The following SLCO6A1 variants were observed in gnomAD, a reference collection of about 807,000 sequenced individuals.
SLCO6A1 encodes cancer/testis antigen 48.
In SLCO6A1, 65 loss-of-function variants were observed where a neutral mutation model predicts 72.7. That is an observed-to-expected ratio of 0.89 (90% CI 0.73 to 1.10). SLCO6A1 has a LOEUF of 1.10. SLCO6A1 is among the 50% of genes least tolerant of loss of function. The pLI, the probability that SLCO6A1 is intolerant of heterozygous loss-of-function variation, is 0.00. For synonymous variants in SLCO6A1, 314 were observed against 298.2 expected, an observed-to-expected ratio of 1.05 and a Z score of -0.55; for missense variants, 874 against 872.6, an observed-to-expected ratio of 1.00 and a Z score of -0.02.
rs1252856055 is a variant in SLCO6A1 at position 102,411,492 on chromosome 5, TG to T, written c.1626+1497del. Among the ~76,000 whole-genome samples the T allele has an allele frequency of 2.0e-5, 3 of 152,086 alleles. No individual in the cohort carries two copies. In the East Asian group the frequency reaches 5.8e-4, roughly 29 times the overall value. ...GTTGCCCAGGCTGGTCCCCAACTCCTGGGCTCAAGTGATCCACCCTTTTAGG... is the reference window on the plus strand; with the variant it reads ...GTTGCCCAGGCTGGTCCCCAACTCCTGGCTCAAGTGATCCACCCTTTTAGG... On this transcript the variant is annotated intron_variant, in intron 9 of 13. Transcript: ENST00000506729.
intron 2 of SLCO6A1, 67 bp from the exon 3 acceptor site, chr5:102,477,928 C>A: frequency 7.1e-7 from 1 of 1,402,270 alleles, no homozygotes; most frequent in Non-Finnish European, 9.7e-7. Context: ...GTGCAGTATT[C>A]TTTATCAAAT....
chr5:102,389,756 C>A (rs536040038), intron 11 of SLCO6A1, among the ~76,000 whole-genome samples: 11 of 152,050 alleles, frequency 7.2e-5, no homozygotes, highest in Non-Finnish European at 1.6e-4. Flanking sequence ...ATGTTGTTTT[C>A]TCTCTATTTG....
At chr5:102,467,395 G>A (rs1751364163) in intron 4 of SLCO6A1, among the ~76,000 whole-genome samples, 1 of 151,982 alleles carries the variant, frequency 6.6e-6, no homozygotes, top group East Asian at 1.9e-4. Context: ...CTGGGTGACA[G>A]AGTGAGAATC....
intron 7 of SLCO6A1, among the ~76,000 whole-genome samples, chr5:102,429,682 T>C (rs996702138): frequency 6.6e-6 from 1 of 152,208 alleles, no homozygotes; most frequent in Non-Finnish European, 1.5e-5. Context: ...TTTGTACCAG[T>C]ATGATGCTGT....
chr5:102,458,327 G>T, intron 6 of SLCO6A1, 55 bp downstream of exon 6: 4 of 1,315,196 alleles, frequency 3.0e-6, no homozygotes, highest in Non-Finnish European at 4.3e-6. Flanking sequence ...TTCATTATTA[G>T]AAAATTAAAC....
chr5:102,385,826 CTTT>C (rs57983218), intron 12 of SLCO6A1, among the ~76,000 whole-genome samples: 20 of 121,194 alleles, frequency 1.7e-4, no homozygotes, highest in East Asian at 2.4e-4. Flanking sequence ...CCTGTTTTTC[CTTT>C]TTTTTTTTTT....
At chr5:102,446,846 C>G (rs1580442787) in intron 6 of SLCO6A1, among the ~76,000 whole-genome samples, 1 of 152,282 alleles carries the variant, frequency 6.6e-6, no homozygotes, top group East Asian at 1.9e-4. Flanking sequence ...CCTCTGCCTC[C>G]TGGGTTCAAG....
At chr5:102,480,849 C>T (rs1752157455) in intron 1 of SLCO6A1, among the ~76,000 whole-genome samples, 1 of 152,112 alleles carries the variant, frequency 6.6e-6, no homozygotes, top group Admixed American at 6.5e-5. Context: ...ATTTCCCAAA[C>T]TCGTTTGTCT....
chr5:102,493,231 G>T (rs555446539), intron 1 of SLCO6A1, among the ~76,000 whole-genome samples: 2 of 152,000 alleles, frequency 1.3e-5, no homozygotes, highest in African/African-American at 2.4e-5. Context: ...AACAATACTC[G>T]CACAGAAACA....
intron 3 of SLCO6A1, among the ~76,000 whole-genome samples, chr5:102,477,369 C>T (rs1367736297): frequency 6.6e-6 from 1 of 151,998 alleles, no homozygotes; most frequent in Non-Finnish European, 1.5e-5. Flanking sequence ...AGTGATCTGC[C>T]CACCTCAGCC....
intron 10 of SLCO6A1, among the ~76,000 whole-genome samples, chr5:102,397,364 T>G (rs1257788245): frequency 6.6e-6 from 1 of 152,202 alleles, no homozygotes; most frequent in Non-Finnish European, 1.5e-5. Flanking sequence ...CTTCTATTGA[T>G]ATAGTAGACT....
At chr5:102,438,513 T>G in intron 7 of SLCO6A1, 104 bp downstream of exon 7, 1 of 873,056 alleles carries the variant, frequency 1.1e-6, no homozygotes, top group Non-Finnish European at 1.7e-6. Flanking sequence ...AAATCATATC[T>G]AGGTATATAA....
chr5:102,487,897 A>AT (rs1561501944), intron 1 of SLCO6A1, among the ~76,000 whole-genome samples: 2 of 152,176 alleles, frequency 1.3e-5, no homozygotes, highest in Admixed American at 1.3e-4. Flanking sequence ...CAGCACACAA[A>AT]TTTTTTAACC....
At chr5:102,491,603 C>T (rs557143579) in intron 1 of SLCO6A1, among the ~76,000 whole-genome samples, 62 of 152,374 alleles carry the variant, frequency 4.1e-4, no homozygotes, top group Non-Finnish European at 8.7e-4. Context: ...CTAAGCCCCT[C>T]ACTGCCTGGG....
chr5:102,423,466 G>A (rs1051586998), intron 7 of SLCO6A1, among the ~76,000 whole-genome samples: 48 of 151,906 alleles, frequency 3.2e-4, no homozygotes, highest in Non-Finnish European at 6.3e-4. Flanking sequence ...AAAAAGCAGT[G>A]GTTGCAGTCC....
At chr5:102,417,745 A>G (rs1473394043) in intron 8 of SLCO6A1, among the ~76,000 whole-genome samples, 2 of 152,012 alleles carry the variant, frequency 1.3e-5, no homozygotes, top group Non-Finnish European at 2.9e-5. Context: ...TTTATTTCTG[A>G]CTGAAAGACT....
intron 9 of SLCO6A1, among the ~76,000 whole-genome samples, chr5:102,401,696 A>G (rs1747407373): frequency 1.3e-5 from 2 of 152,114 alleles, no homozygotes; most frequent in African/African-American, 2.4e-5. Context: ...AAGAGAAACT[A>G]TGACTTTTAG....
At chr5:102,463,000 A>G (rs1013748234) in intron 4 of SLCO6A1, among the ~76,000 whole-genome samples, 1 of 152,220 alleles carries the variant, frequency 6.6e-6, no homozygotes, top group Non-Finnish European at 1.5e-5. Context: ...ACAGTGTGGG[A>G]GAAAATATTT....
intron 9 of SLCO6A1, among the ~76,000 whole-genome samples, chr5:102,401,060 T>TGG (rs144409177): frequency 7.2e-4 from 109 of 151,638 alleles, no homozygotes; most frequent in Admixed American, 1.6e-3. Context: ...CAGGGAATAT[T>TGG]GGGGGGGTTA....
Sources: allele counts gnomAD v4.1 joint callset (sites outside exome capture counted in the v4.1 genomes callset), GRCh38; gene constraint gnomAD v4.1.1; transcripts MANE v1.5; gene names NCBI Gene and HGNC (gene_info 2026-07-23, HGNC 2026-07-21).